Variants in TRPS1 observed in about 807,000 individuals in gnomAD.
The protein encoded by TRPS1 is transcriptional repressor GATA binding 1.
In TRPS1, 6 loss-of-function variants were observed where a neutral mutation model predicts 101.2. The ratio of observed to expected loss-of-function variants is 0.06; its 90% CI spans 0.03 to 0.12. The LOEUF (loss-of-function observed/expected upper bound fraction) is 0.12, where lower values mean the gene tolerates loss of function less well. TRPS1 is among the 10% of genes least tolerant of loss of function. The probability of loss-of-function intolerance (pLI) is 1.00; values close to 1 mark genes in which losing one functional copy is unlikely to be tolerated. For synonymous variants in TRPS1, 578 were observed against 589.8 expected (o/e 0.98, Z 0.29); for missense variants, 1,363 against 1,567.0 (o/e 0.87, Z 2.20).
At chr8:115,458,044 AG>A (rs1814071679) in intron 5 of TRPS1, among the ~76,000 whole-genome samples, 1 of 151,882 alleles carries the variant, frequency 6.6e-6, no homozygotes, top group Middle Eastern at 3.4e-3. Context: ...AAAATGAGGG[AG>A]GGGGGTCGAA....
At chr8:115,515,317 A>C (rs1262349932) in intron 5 of TRPS1, 1 of 694,904 alleles carries the variant, frequency 1.4e-6, no homozygotes, top group Non-Finnish European at 2.6e-6. Flanking sequence ...ACAGTAAAAA[A>C]GTTAGAATTA....
At chr8:115,617,581 C>T (rs1298084360) in intron 3 of TRPS1, among the ~76,000 whole-genome samples, 2 of 152,182 alleles carry the variant, frequency 1.3e-5, no homozygotes, top group African/African-American at 2.4e-5. Context: ...CTAGAGTGAA[C>T]AGACTGAAAC....
intron 1 of TRPS1, among the ~76,000 whole-genome samples, chr8:115,649,308 A>G (rs1811506330): frequency 6.6e-6 from 1 of 152,216 alleles, no homozygotes; most frequent in Admixed American, 6.5e-5. Flanking sequence ...ACTACCTTGG[A>G]AGATACAGCA....
Position 115,642,013 on chromosome 8 carries a change from G to A in TRPS1, c.-121-18255C>T, listed in dbSNP as rs559611564. The stretch of plus-strand genomic sequence containing the variant: ...GAATTCCTTGAGGCCAGGAGTTCAG[G>A]ACCAGCCTGGAAAATACAGCAAGAC... On this transcript the variant is annotated intron_variant, in intron 1 of 6. Coordinates refer to ENST00000395715, the MANE Select transcript of TRPS1 (RefSeq NM_014112.5). Among the ~76,000 whole-genome samples the A allele has an allele frequency of 6.6e-5, 10 of 152,108 alleles. No homozygotes were observed. The South Asian group carries it at 8.3e-4, about 13-fold the overall frequency.
intron 5 of TRPS1, among the ~76,000 whole-genome samples, chr8:115,451,949 G>A (rs1324150731): frequency 1.3e-5 from 2 of 152,074 alleles, no homozygotes; most frequent in Non-Finnish European, 2.9e-5. Context: ...TCCCCACTCC[G>A]ACTCCTACTC....
intron 5 of TRPS1, among the ~76,000 whole-genome samples, chr8:115,562,596 T>C (rs1684891255): frequency 6.6e-6 from 1 of 152,040 alleles, no homozygotes; most frequent in African/African-American, 2.4e-5. Flanking sequence ...CATGATTTGT[T>C]TTAAAACAAT....
At position 115,476,005 on chromosome 8, in the gene TRPS1, C is replaced by CTT. The variant is rs1169514340; in HGVS notation, c.2701-57555_2701-57554dup. On this transcript the variant is annotated intron_variant, in intron 5 of 6. Coordinates refer to ENST00000395715, the MANE Select transcript of TRPS1 (RefSeq NM_014112.5). ...AAGAGGTGTTCAGAAAATATACTTTCTTTTTTTTTTTTTTTTTTTTTTTTT... is the reference window on the plus strand; with the variant it reads ...AAGAGGTGTTCAGAAAATATACTTTCTTTTTTTTTTTTTTTTTTTTTTTTTTT... 5.7e-3 allele frequency among the ~76,000 whole-genome samples: 233 copies of CTT among 40,656 alleles called. 45 individuals carry two copies. The highest frequency in any genetic ancestry group is 6.6e-3 in the Non-Finnish European group (173 of 26,378). 26.7% of individuals were successfully genotyped at this position (40,656 alleles called of 152,430 possible).
chr8:115,592,440 T>G (rs1817697043), intron 4 of TRPS1, among the ~76,000 whole-genome samples: 2 of 152,316 alleles, frequency 1.3e-5, no homozygotes, highest in South Asian at 4.1e-4. Flanking sequence ...TGGGTCTTAC[T>G]ACTATTAATG....
chr8:115,663,932 C>A (rs1263798107), intron 1 of TRPS1, among the ~76,000 whole-genome samples: 1 of 151,762 alleles, frequency 6.6e-6, no homozygotes, highest in South Asian at 2.1e-4. Context: ...ATTATTGTGT[C>A]CATCAGAAAA....
intron 5 of TRPS1, among the ~76,000 whole-genome samples, chr8:115,450,631 G>A (rs932352322): frequency 1.3e-5 from 2 of 151,828 alleles, no homozygotes; most frequent in Admixed American, 1.3e-4. Context: ...GAAGGTCTGC[G>A]TCAGGAACTT....
intron 1 of TRPS1, among the ~76,000 whole-genome samples, chr8:115,636,645 G>A (rs1327066285): frequency 3.9e-5 from 6 of 152,184 alleles, no homozygotes; most frequent in Admixed American, 3.9e-4. Context: ...TGGGCGTGGT[G>A]GCTCACGCCT....
intron 1 of TRPS1, among the ~76,000 whole-genome samples, chr8:115,628,839 A>G (rs894131964): frequency 1.3e-5 from 2 of 151,860 alleles, no homozygotes; most frequent in Admixed American, 6.6e-5. Flanking sequence ...ATTAGCTTCA[A>G]AAAAAGAAAA....
rs142787947 is a variant in TRPS1 at position 115,410,769 on chromosome 8, T to C, written c.*3254A>G. The C allele has an allele frequency of 1.3e-5, 2 of 152,448 alleles. No homozygotes were observed. The highest frequency in any genetic ancestry group is 1.9e-4 in the East Asian group (1 of 5,162). 9.4% of individuals were successfully genotyped at this position (152,448 alleles called of 1,614,324 possible). On this transcript the variant is annotated 3_prime_UTR_variant, in exon 7 of 7. Transcript: ENST00000395715. Reference sequence around the variant, plus strand: ...GTTTGATCCAAAGCTCAATTTAGAATATAGACAAATAATTTTAAAATATTT... The same window carrying C: ...GTTTGATCCAAAGCTCAATTTAGAACATAGACAAATAATTTTAAAATATTT...
At chr8:115,441,253 T>C (rs1352730242) in intron 5 of TRPS1, among the ~76,000 whole-genome samples, 2 of 152,240 alleles carry the variant, frequency 1.3e-5, no homozygotes, top group East Asian at 3.9e-4. Context: ...GATAACTAGG[T>C]TAATTCAGTT....
chr8:115,551,312 G>A (rs1375537245), intron 5 of TRPS1, among the ~76,000 whole-genome samples: 2 of 152,176 alleles, frequency 1.3e-5, no homozygotes, highest in African/African-American at 4.8e-5. Flanking sequence ...TTAGGATTGA[G>A]TTTCTGTATC....
intron 5 of TRPS1, among the ~76,000 whole-genome samples, chr8:115,452,624 G>A (rs925126133): frequency 6.6e-6 from 1 of 152,122 alleles, no homozygotes; most frequent in African/African-American, 2.4e-5. Context: ...GCGGGGCAAA[G>A]GCTTGTTTGA....
chr8:115,586,133 C>T (rs1817555498), intron 5 of TRPS1, among the ~76,000 whole-genome samples: 1 of 152,318 alleles, frequency 6.6e-6, no homozygotes, highest in East Asian at 1.9e-4. Flanking sequence ...ACCTTCTATG[C>T]ACAAACAAAG....
rs141850172 is a variant in TRPS1 at position 115,430,444 on chromosome 8, AGT to A, written c.2701-11994_2701-11993del. 1.4e-3 allele frequency among the ~76,000 whole-genome samples: 208 copies of A among 149,362 alleles called. 1 individual carries two copies. The highest frequency in any genetic ancestry group is 3.6e-3 in the African/African-American group (147 of 41,022). On this transcript the variant is annotated intron_variant, in intron 5 of 6. Transcript: ENST00000395715. The stretch of plus-strand genomic sequence containing the variant: ...AGAAGAGATGCTACTGCCACTTTGG[AGT>A]GTGTGTGTGTGTGTGTGTGTACACA...
At chr8:115,520,260 T>C (rs1300076616) in intron 5 of TRPS1, among the ~76,000 whole-genome samples, 2 of 151,808 alleles carry the variant, frequency 1.3e-5, no homozygotes, top group African/African-American at 2.4e-5. Context: ...TACATACCCA[T>C]ACATTTTGTG....
Sources: gnomAD v4.1 joint callset for allele counts (sites outside exome capture counted in the v4.1 genomes callset) on GRCh38, gnomAD v4.1.1 for gene constraint, MANE v1.5 for transcripts, NCBI Gene and HGNC (gene_info 2026-07-23, HGNC 2026-07-21) for gene names.